TRIM66: variants seen among roughly 807,000 people sequenced by gnomAD.
TRIM66 encodes tripartite motif containing 66, also known as tripartite motif-containing protein 66.
Under a neutral mutation model 148.2 loss-of-function variants are expected in TRIM66, and 99 were observed. That is an observed-to-expected ratio of 0.67 (90% CI 0.57 to 0.79). The LOEUF is 0.79. Ranked by LOEUF, TRIM66 falls within the 30% of genes least tolerant of loss-of-function variation. The pLI, the probability that TRIM66 is intolerant of heterozygous loss-of-function variation, is 0.00. For missense variants in TRIM66, 1,666 were observed against 1,697.9 expected (o/e 0.98, Z 0.33); for synonymous variants, 616 against 635.9 (o/e 0.97, Z 0.47).
chr11:8,624,208 C>T, intron 17 of TRIM66, 151 bp downstream of exon 17: 1 of 863,246 alleles, frequency 1.2e-6, no homozygotes, highest in Non-Finnish European at 1.7e-6. Context: ...GTCACTAAGA[C>T]AGTTCCGGAG....
In TRIM66 at chr11:8,672,355, G is replaced by T; in HGVS notation, c.-81C>A. 1.3e-6 allele frequency: 2 copies of T among 1,526,530 alleles called. No homozygotes were observed. Among genetic ancestry groups the T allele is most frequent in the Non-Finnish European group, 1.7e-6 (2 of 1,144,064 alleles). 94.6% of individuals were successfully genotyped at this position (1,526,530 alleles called of 1,614,324 possible). A position where few individuals can be genotyped will look rare whatever the true frequency, so the allele number is the denominator to read the frequency against. On this transcript the variant is annotated 5_prime_UTR_variant, in exon 5 of 25. Transcript: ENST00000646038. ...AACCCTTCAAAAGTGTCCCGTACCT[G>T]TGCCTCTCCTTATTGGTAGACAAGC...
At chr11:8,666,538 G>A (rs186343848) in intron 6 of TRIM66, among the ~76,000 whole-genome samples, 45 of 151,262 alleles carry the variant, frequency 3.0e-4, no homozygotes, top group East Asian at 2.5e-3. Flanking sequence ...TTCTATAAAC[G>A]AGGCATAGTA....
chr11:8,620,419 A>G (rs1357366778), intron 21 of TRIM66, 27 bp downstream of exon 21: 4 of 1,551,000 alleles, frequency 2.6e-6, no homozygotes, highest in East Asian at 4.9e-5. Context: ...AAGGCAGGGA[A>G]CCTTGTTTCC....
intron 15 of TRIM66, among the ~76,000 whole-genome samples, chr11:8,628,310 A>G (rs747480175): frequency 2.0e-5 from 3 of 151,918 alleles, no homozygotes; most frequent in Non-Finnish European, 4.4e-5. Flanking sequence ...AGATTTTTTT[A>G]TAGATTTAGA....
At chr11:8,646,966 G>C (rs1188971144) in intron 10 of TRIM66, among the ~76,000 whole-genome samples, 1 of 150,928 alleles carries the variant, frequency 6.6e-6, no homozygotes, top group Non-Finnish European at 1.5e-5. Flanking sequence ...TGAGGGCCGG[G>C]GGGTGTTGGG....
intron 8 of TRIM66, 70 bp from the exon 9 acceptor site, chr11:8,648,618 G>A (rs770364443): frequency 6.5e-6 from 10 of 1,528,286 alleles, no homozygotes; most frequent in Non-Finnish European, 8.8e-6. Flanking sequence ...AAGCTTTGCT[G>A]CACAGCTCTC....
intron 15 of TRIM66, among the ~76,000 whole-genome samples, chr11:8,638,432 C>T (rs990742403): frequency 2.6e-5 from 4 of 152,124 alleles, no homozygotes; most frequent in African/African-American, 9.7e-5. Context: ...TGCATGAAGC[C>T]CAGGAGGTCC....
intron 6 of TRIM66, among the ~76,000 whole-genome samples, chr11:8,653,405 T>A (rs1056584200): frequency 6.6e-6 from 1 of 152,212 alleles, no homozygotes; most frequent in Admixed American, 6.5e-5. Context: ...CTTAGAACTT[T>A]AAGAGTGCCA....
rs1426736407 is a variant in TRIM66 at position 8,620,521 on chromosome 11, C to T, written c.3597G>A (p.Glu1199=). The change falls in exon 21 of 25, where the codon GAG becomes GAA. Residue 1199 remains glutamate, a synonymous_variant. Coordinates refer to ENST00000646038, the MANE Select transcript of TRIM66 (RefSeq NM_001388022.1). ...LCRSLTQPEM[E]YDCENACYNQ... ...TATAGCAGGCATTCTCACAGTCGTA[C>T]TCCATCTCGGGCTGGGTCAGGCTGC... is the stretch of plus-strand genomic sequence containing the variant. The T allele has an allele frequency of 5.2e-6, 8 of 1,551,818 alleles. No individual in the cohort carries two copies. The South Asian group carries it at 5.9e-5, about 12-fold the overall frequency.
intron 6 of TRIM66, among the ~76,000 whole-genome samples, chr11:8,671,328 C>T (rs1442512557): frequency 1.3e-5 from 2 of 152,198 alleles, no homozygotes; most frequent in African/African-American, 4.8e-5. Flanking sequence ...TCCTAGGAAA[C>T]CTGACATTCT....
chr11:8,618,757 C>A lies in TRIM66; in HGVS notation c.4112G>T (p.Arg1371Leu). 6.5e-7 allele frequency: 1 copy of A among 1,549,834 alleles called. No homozygotes were observed. The highest frequency in any genetic ancestry group is 1.2e-5 in the South Asian group (1 of 83,962). Residue 1371 changes from arginine (R) to leucine (L), a missense_variant, in exon 24 of 25, where the codon CGA becomes CTA. By Grantham distance (102) the Arg-to-Leu change is moderately radical. This residue lies in a region of TRIM66 where 204 missense variants were observed against 231.0 expected (regional missense o/e 0.88). Coordinates refer to ENST00000646038, the MANE Select transcript of TRIM66 (RefSeq NM_001388022.1). ...CTGGCAGTAACTCTTTACCATATGT[C>A]GTCGCCGCCTCTTGGGTTGGATGCC... ...QEGIQPKRRR[R>L]HMENERAKRM... is the part of the protein sequence containing the mutation.
chr11:8,622,365 C>CACACACATATATAT, intron 18 of TRIM66, among the ~76,000 whole-genome samples: 4 of 59,572 alleles, frequency 6.7e-5, no homozygotes, highest in Admixed American at 3.1e-4. Context: ...CACACACACA[C>CACACACATATATAT]ATATATATAT....
intron 3 of TRIM66, among the ~76,000 whole-genome samples, chr11:8,677,482 A>G (rs999056681): frequency 2.0e-5 from 3 of 152,212 alleles, no homozygotes; most frequent in African/African-American, 7.2e-5. Flanking sequence ...TTCAGTGAGT[A>G]AAAACAGAAC....
At chr11:8,620,183 T>C (rs1318811170) in intron 21 of TRIM66, 59 bp from the exon 22 acceptor site, 6 of 1,484,978 alleles carry the variant, frequency 4.0e-6, no homozygotes, top group Non-Finnish European at 5.5e-6. Flanking sequence ...CAGTATGAAC[T>C]AAAGATGTTG....
intron 21 of TRIM66, 92 bp downstream of exon 21, chr11:8,620,354 A>C: frequency 6.6e-7 from 1 of 1,504,640 alleles, no homozygotes; most frequent in Non-Finnish European, 8.9e-7. Context: ...TATCCAGAAA[A>C]GCCCCTCATC....
rs568400414 is a variant in TRIM66, at chr11:8,638,810, T to G, written c.2154A>C (p.Thr718=). ...SQSQEETLQA[T]DEPPASQGSK... is the part of the protein sequence containing the mutation. ...AGCCCTGAGATGCTGGGGGCTCATC[T>G]GTAGCCTGGAGAAGAAAATAAGAAC... is the stretch of plus-strand genomic sequence containing the variant. The change falls in exon 15 of 25, where the codon ACA becomes ACC. Residue 718 remains threonine (T), a synonymous_variant. Transcript: ENST00000646038. 1 of 1,550,874 alleles carries G rather than the reference T, an allele frequency of 6.4e-7. No individual in the cohort carries two copies. The highest frequency in any genetic ancestry group is 1.2e-5 in the South Asian group (1 of 83,984).
rs1156261597 is a variant in TRIM66 at position 8,655,024 on chromosome 11, CTATTTT to C, written c.341-3127_341-3122del. On this transcript the variant is annotated intron_variant, in intron 6 of 24. Transcript: ENST00000646038. ...TACAGGCACCTGCCACTACGCCTGG[CTATTTT>C]TGTATTTTTAGTAGAGACAGGGTTT... 3.3e-5 allele frequency among the ~76,000 whole-genome samples: 5 copies of C among 152,176 alleles called. No individual in the cohort carries two copies. The East Asian group carries it at 5.8e-4, about 18-fold the overall frequency.
chr11:8,676,145 A>G (rs937607457), intron 3 of TRIM66, among the ~76,000 whole-genome samples: 4 of 152,260 alleles, frequency 2.6e-5, no homozygotes, highest in African/African-American at 9.6e-5. Context: ...TCAAAAAGAA[A>G]TCTAAAAAAG....
intron 6 of TRIM66, among the ~76,000 whole-genome samples, chr11:8,654,068 G>A (rs1009908299): frequency 1.3e-4 from 20 of 152,096 alleles, no homozygotes; most frequent in African/African-American, 4.6e-4. Context: ...AAGACATCCC[G>A]GGTACCAGAT....
Sources: gnomAD v4.1 joint callset for allele counts (sites outside exome capture counted in the v4.1 genomes callset) on GRCh38, gnomAD v4.1.1 for gene constraint, gnomAD v4.1.1 regional missense constraint, MANE v1.5 for transcripts, NCBI Gene and HGNC (gene_info 2026-07-23, HGNC 2026-07-21) for gene names.